Variants in MAP2K5 observed in about 807,000 individuals in gnomAD.
MAP2K5 encodes the protein mitogen-activated protein kinase kinase 5.
In MAP2K5, 49 loss-of-function variants were observed where a neutral mutation model predicts 83.1. The observed-to-expected ratio is 0.59, with a 90% CI of 0.47 to 0.75. The LOEUF (loss-of-function observed/expected upper bound fraction) is 0.75. MAP2K5 is among the 30% of genes least tolerant of loss of function. The probability of loss-of-function intolerance (pLI) is 0.00; values close to 1 mark genes in which losing one functional copy is unlikely to be tolerated. For synonymous variants in MAP2K5, 202 were observed against 191.8 expected, an observed-to-expected ratio of 1.05 and a Z score of -0.44; for missense variants, 457 against 557.5, an observed-to-expected ratio of 0.82 and a Z score of 1.82.
At chr15:67,595,561 A>G (rs2085506439) in intron 7 of MAP2K5, among the ~76,000 whole-genome samples, 1 of 152,222 alleles carries the variant, frequency 6.6e-6, no homozygotes. Context: ...ACAATAAACA[A>G]AGAATATTTT....
At chr15:67,752,897 GA>G (rs11314980) in intron 19 of MAP2K5, among the ~76,000 whole-genome samples, 135,644 of 141,798 alleles carry the variant, frequency 0.96, 64,990 homozygotes, top group South Asian at 1. Flanking sequence ...AACAATCATT[GA>G]AAAAAAAAAA....
At chr15:67,569,719 G>A (rs1238437929) in intron 3 of MAP2K5, among the ~76,000 whole-genome samples, 1 of 152,170 alleles carries the variant, frequency 6.6e-6, no homozygotes, top group Non-Finnish European at 1.5e-5. Flanking sequence ...GAAAAGATAA[G>A]CACGAGTAGG....
At chr15:67,710,351 G>A (rs1206138006) in intron 16 of MAP2K5, among the ~76,000 whole-genome samples, 1 of 152,106 alleles carries the variant, frequency 6.6e-6, no homozygotes, top group Non-Finnish European at 1.5e-5. Flanking sequence ...CATGACCAGT[G>A]TTTTATTGAA....
At chr15:67,635,055 T>C (rs577784943) in intron 9 of MAP2K5, among the ~76,000 whole-genome samples, 1 of 152,312 alleles carries the variant, frequency 6.6e-6, no homozygotes, top group African/African-American at 2.4e-5. Flanking sequence ...TACCACTTTA[T>C]AGTCTACAAA....
intron 17 of MAP2K5, among the ~76,000 whole-genome samples, chr15:67,734,708 A>G (rs909288775): frequency 6.6e-6 from 1 of 152,202 alleles, no homozygotes; most frequent in African/African-American, 2.4e-5. Context: ...ATACCTAAAA[A>G]GTTTGCACTC....
chr15:67,629,159 G>A, intron 8 of MAP2K5: 1 of 712,814 alleles, frequency 1.4e-6, no homozygotes, highest in South Asian at 1.4e-5. Flanking sequence ...ACAAAGCGTA[G>A]CAAAAGAGGA....
intron 13 of MAP2K5, among the ~76,000 whole-genome samples, chr15:67,686,618 T>TA (rs1427267899): frequency 3.7e-5 from 3 of 80,822 alleles, no homozygotes; most frequent in African/African-American, 1.2e-4. Context: ...ATAATAATAA[T>TA]AATAATAATA....
chr15:67,740,637 C>G (rs2089471081), intron 17 of MAP2K5, among the ~76,000 whole-genome samples: 1 of 151,964 alleles, frequency 6.6e-6, no homozygotes. Flanking sequence ...ATTTCTTTTT[C>G]AGTATATAAA....
At chr15:67,649,617 G>C (rs1447331846) in intron 11 of MAP2K5, among the ~76,000 whole-genome samples, 1 of 151,986 alleles carries the variant, frequency 6.6e-6, no homozygotes, top group Non-Finnish European at 1.5e-5. Context: ...TGTTATACTT[G>C]TTGAAAATTG....
chr15:67,769,802 A>C lies in MAP2K5; in HGVS notation c.1196+139A>C. The C allele has an allele frequency of 2.9e-6, 2 of 699,022 alleles. No homozygotes were observed. Among genetic ancestry groups the C allele is most frequent in the South Asian group, 1.8e-5 (1 of 55,344 alleles). 43.3% of individuals were successfully genotyped at this position (699,022 alleles called of 1,614,324 possible). On this transcript the variant is annotated intron_variant, in intron 20 of 21. Transcript: ENST00000178640. The surrounding 1 kb of genome is among the most constrained non-coding windows in gnomAD (Gnocchi z 5.2). ...CTTCGGGGCCTTGGGCAGATGGGGCAGCAAAGCTGAAGAAATTGTTTAAAT... is the reference window on the plus strand; with the variant it reads ...CTTCGGGGCCTTGGGCAGATGGGGCCGCAAAGCTGAAGAAATTGTTTAAAT...
Position 67,636,174 on chromosome 15 carries a change from A to G in MAP2K5, c.585+5247A>G, listed in dbSNP as rs1197475530. 1.3e-5 allele frequency among the ~76,000 whole-genome samples: 2 copies of G among 152,208 alleles called. No individual in the cohort carries two copies. The highest frequency in any genetic ancestry group is 4.8e-5 in the African/African-American group (2 of 41,462). On this transcript the variant is annotated intron_variant, in intron 9 of 21. Transcript: ENST00000178640. This position sits in a 1 kb window ranked among gnomAD's most constrained non-coding sequence, Gnocchi z 4.7. ...ATGCCTGTAATCCCAGCACTTTGAA[A>G]GGCTGAGGTGGGCGGATCATGAGGT...
rs184401681 is a variant in MAP2K5 at position 67,685,994 on chromosome 15, A to G, written c.848-6485A>G. Reference sequence around the variant, plus strand: ...ATATCCACTTATGACTCTTTACAGGAAAAGTTTGCCAACCTCTGGCTTAGA... The same window carrying G: ...ATATCCACTTATGACTCTTTACAGGGAAAGTTTGCCAACCTCTGGCTTAGA... On this transcript the variant is annotated intron_variant, in intron 13 of 21. Coordinates refer to ENST00000178640, the MANE Select transcript of MAP2K5 (RefSeq NM_145160.3). Among the ~76,000 whole-genome samples, 3 of 152,356 alleles carry G rather than the reference A, an allele frequency of 2.0e-5. No homozygotes were observed. In the East Asian group the frequency reaches 5.8e-4, roughly 29 times the overall value.
In MAP2K5 at chr15:67,760,392, GT is replaced by G. The variant is rs1473548476; in HGVS notation, c.1135-9203del. ...ACAAAGTCACTTGAAGTAAAAAAAA[GT>G]TTTTTTAAACACACAATTATATAAA... is the stretch of plus-strand genomic sequence containing the variant. On this transcript the variant is annotated intron_variant, in intron 19 of 21. Transcript: ENST00000178640. The surrounding 1 kb of genome is among the most constrained non-coding windows in gnomAD (Gnocchi z 4.1). Among the ~76,000 whole-genome samples, 3 of 151,990 alleles carry G rather than the reference GT, an allele frequency of 2.0e-5. No homozygotes were observed. Among genetic ancestry groups the G allele is most frequent in the East Asian group, 1.9e-4 (1 of 5,194 alleles).
intron 17 of MAP2K5, among the ~76,000 whole-genome samples, chr15:67,729,916 G>A (rs569114946): frequency 6.6e-6 from 1 of 152,294 alleles, no homozygotes; most frequent in South Asian, 2.1e-4. Flanking sequence ...GTGGAAGTTG[G>A]AAAATTCTAA....
chr15:67,560,664 C>T lies in MAP2K5; in HGVS notation c.185-2619C>T, dbSNP rs148181457. 5.4e-4 allele frequency among the ~76,000 whole-genome samples: 82 copies of T among 152,372 alleles called. 2 individuals carry two copies. In the East Asian group the frequency reaches 0.016, roughly 29 times the overall value. On this transcript the variant is annotated intron_variant, in intron 2 of 21. Transcript: ENST00000178640. ...AGTTTTCTGTCCACTTAAGCAAATG[C>T]TCTTGTAATGTTTCATAGCTACTTT...
In MAP2K5 at chr15:67,658,611, A is replaced by G; in HGVS notation, c.795A>G (p.Val265=). ...AACATGTCCTTGGAAGAATTGCAGT[A>G]GCAGTAAGTATATGGCTTCAGTGTT... The part of the protein sequence containing the change: ...MPEHVLGRIA[V]AVVKGLTYLW... The change falls in exon 12 of 22, where the codon GTA becomes GTG. Residue 265 remains valine (V), a synonymous_variant. Coordinates refer to ENST00000178640, the MANE Select transcript of MAP2K5 (RefSeq NM_145160.3). 6.2e-7 allele frequency: 1 copy of G among 1,610,654 alleles called. No individual in the cohort carries two copies. The highest frequency in any genetic ancestry group is 2.2e-5 in the East Asian group (1 of 44,796).
At chr15:67,667,760 A>AT (rs1270350647) in intron 13 of MAP2K5, among the ~76,000 whole-genome samples, 1 of 152,172 alleles carries the variant, frequency 6.6e-6, no homozygotes, top group African/African-American at 2.4e-5. Context: ...TATTTCTCGC[A>AT]TTTATATGGC....
rs1247678286 is a variant in MAP2K5, at chr15:67,790,632, G to C, written c.1243-16014G>C. Among the ~76,000 whole-genome samples the C allele has an allele frequency of 6.6e-6, 1 of 152,064 alleles. No homozygotes were observed. Among genetic ancestry groups the C allele is most frequent in the Non-Finnish European group, 1.5e-5 (1 of 68,022 alleles). ...TTTAGGGCTGAGGCTCAGAGGAGGG[G>C]CTGCTTACTGAGTGGTGAGGGTCTT... On this transcript the variant is annotated intron_variant, in intron 21 of 21. Coordinates refer to ENST00000178640, the MANE Select transcript of MAP2K5 (RefSeq NM_145160.3). This position sits in a 1 kb window ranked among gnomAD's most constrained non-coding sequence, Gnocchi z 4.6.
intron 11 of MAP2K5, among the ~76,000 whole-genome samples, chr15:67,646,840 C>G (rs1043315470): frequency 1.3e-5 from 2 of 152,290 alleles, no homozygotes; most frequent in South Asian, 4.1e-4. Context: ...TCTATTAACC[C>G]AATGTCCTGT....
Sources: allele counts gnomAD v4.1 joint callset (sites outside exome capture counted in the v4.1 genomes callset), GRCh38; gene constraint gnomAD v4.1.1; non-coding constraint Gnocchi (gnomAD v3.1); transcripts MANE v1.5; gene names NCBI Gene and HGNC (gene_info 2026-07-23, HGNC 2026-07-21).